The following IFT46 variants were observed in gnomAD, a reference collection of about 807,000 sequenced individuals.
The protein encoded by IFT46 is intraflagellar transport protein 46 homolog.
In IFT46, 19 loss-of-function variants were observed where a neutral mutation model predicts 39.6. The ratio of observed to expected loss-of-function variants is 0.48; its 90% CI spans 0.33 to 0.70. IFT46 has a LOEUF of 0.70. IFT46 is among the 30% of genes least tolerant of loss of function. IFT46 has a pLI of 0.01. For synonymous variants in IFT46, 117 were observed against 134.8 expected, an observed-to-expected ratio of 0.87 and a Z score of 0.91; for missense variants, 334 against 364.8, an observed-to-expected ratio of 0.92 and a Z score of 0.69.
chr11:118,576,440 A>AAC (rs1555073646), upstream of IFT46, among the ~76,000 whole-genome samples: 5 of 147,198 alleles, frequency 3.4e-5, no homozygotes, highest in East Asian at 4.7e-4. Context: ...AAAAAAAAAA[A>AAC]AAAAAAAAAC....
In IFT46 at chr11:118,544,889, C is replaced by T. The variant is rs1402487312; in HGVS notation, c.*27G>A. ...AGCTGGGGCAGAGGGGCCAGCTCAG[C>T]CTTGAAACAGCAGCTTGGGAAGTGT... On this transcript the variant is annotated 3_prime_UTR_variant, in exon 12 of 12. Transcript: ENST00000264021. 1 of 1,544,912 alleles carries T rather than the reference C, an allele frequency of 6.5e-7. No homozygotes were observed. Among genetic ancestry groups the T allele is most frequent in the Non-Finnish European group, 8.9e-7 (1 of 1,118,486 alleles).
chr11:118,552,440 G>T, intron 7 of IFT46, 105 bp from the exon 8 acceptor site: 1 of 1,350,816 alleles, frequency 7.4e-7, no homozygotes, highest in Non-Finnish European at 1.0e-6. Flanking sequence ...GCTTGCTGAT[G>T]ACAGCTGCTG....
chr11:118,553,581 T>C (rs1555068887), intron 7 of IFT46, among the ~76,000 whole-genome samples: 1 of 152,182 alleles, frequency 6.6e-6, no homozygotes, highest in African/African-American at 2.4e-5. Flanking sequence ...TACAGCCACT[T>C]TGGAAAACAG....
At chr11:118,570,510 A>G (rs1451997596), upstream of IFT46, among the ~76,000 whole-genome samples, 1 of 152,222 alleles carries the variant, frequency 6.6e-6, no homozygotes, top group Non-Finnish European at 1.5e-5. Context: ...CAAATGAAGC[A>G]CTCAATTAAA....
In IFT46 at chr11:118,557,015, G is replaced by A; in HGVS notation, c.76C>T (p.Gln26Ter). The part of the protein sequence containing the change: ...EKKKTSQLTP[Q>*]RGFSENEDDD... ...TCCTCATTTTCACTAAAGCCCCGTT[G>A]AGGTGTCAACTGTGAGGTCTTCTTC... Residue 26 changes from glutamine (Q) to a stop codon, truncating the protein, a stop_gained, in exon 4 of 12, where the codon CAA becomes TAA. Coordinates refer to ENST00000264021, the MANE Select transcript of IFT46 (RefSeq NM_001168618.2). LOFTEE classifies it high-confidence loss of function. The A allele has an allele frequency of 6.2e-7, 1 of 1,611,666 alleles. No homozygotes were observed. The highest frequency in any genetic ancestry group is 1.3e-5 in the African/African-American group (1 of 74,886).
chr11:118,548,846 C>T (rs1314043660), intron 9 of IFT46, among the ~76,000 whole-genome samples: 1 of 150,424 alleles, frequency 6.6e-6, no homozygotes, highest in African/African-American at 2.4e-5. Context: ...GTCTCAAACT[C>T]CTGGGCTCAA....
At chr11:118,574,487 A>G (rs1283348440), upstream of IFT46, among the ~76,000 whole-genome samples, 1 of 152,226 alleles carries the variant, frequency 6.6e-6, no homozygotes, top group East Asian at 1.9e-4. Flanking sequence ...ACTAGATTCT[A>G]TAACTAACAT....
rs1555069025 is a variant in IFT46, at chr11:118,554,461, T to C, written c.481A>G (p.Thr161Ala). 1 of 1,606,098 alleles carries C rather than the reference T, an allele frequency of 6.2e-7. No homozygotes were observed. Among genetic ancestry groups the C allele is most frequent in the East Asian group, 2.2e-5 (1 of 44,774 alleles). ...CCTATACTAAGCTAGTATCTTACTG[T>C]GATGTTGTGCTGCTTAGAATTCTCT... ...LTENSKQHNI[T>A]QHMKVKSLED... The change falls in exon 7 of 12, where the codon ACA becomes GCA. Residue 161 changes from threonine to alanine, a missense_variant and splice_region_variant. Thr to Ala is a moderately conservative substitution (Grantham distance 58, BLOSUM62 0). Coordinates refer to ENST00000264021, the MANE Select transcript of IFT46 (RefSeq NM_001168618.2).
At chr11:118,554,946 G>T in intron 6 of IFT46, 44 bp downstream of exon 6, 1 of 1,366,038 alleles carries the variant, frequency 7.3e-7, no homozygotes, top group Non-Finnish European at 1.0e-6. Flanking sequence ...AGGGGCATCA[G>T]AAGAAACACT....
upstream of IFT46, among the ~76,000 whole-genome samples, chr11:118,570,045 CT>C (rs1162103875): frequency 1.5e-3 from 172 of 113,546 alleles, no homozygotes; most frequent in Middle Eastern, 5.7e-3. Context: ...CCACGCCCAG[CT>C]TTTTTTTTTT....
rs782623965 is a variant in IFT46 at position 118,554,580 on chromosome 11, C to T, written c.362G>A (p.Arg121His). The change falls in exon 7 of 12, where the codon CGT becomes CAT. Residue 121 changes from arginine (R) to histidine (H), a missense_variant. Transcript: ENST00000264021. ...AAGGTTGTCAGGCTTTCCATCAGGACGTGGGACCTGGTTAAGAAAAAGGTA... is the reference window on the plus strand; with the variant it reads ...AAGGTTGTCAGGCTTTCCATCAGGATGTGGGACCTGGTTAAGAAAAAGGTA... The part of the protein sequence containing the change: ...GDIDAFLKVP[R>H]PDGKPDNLGL... 3.1e-6 allele frequency: 5 copies of T among 1,593,820 alleles called. No individual in the cohort carries two copies. Among genetic ancestry groups the T allele is most frequent in the Non-Finnish European group, 3.4e-6 (4 of 1,174,638 alleles).
At position 118,545,853 on chromosome 11, in the gene IFT46, C is replaced by T; in HGVS notation, c.673G>A (p.Val225Ile). The T allele has an allele frequency of 1.2e-6, 2 of 1,614,104 alleles. No homozygotes were observed. The highest frequency in any genetic ancestry group is 1.7e-6 in the Non-Finnish European group (2 of 1,179,986). Reference sequence around the variant, plus strand: ...TCAATCTCTGCCGTGGGCAGGCTTACCTGGAAGGGGCATGGAAGGACCAAA... The same window carrying T: ...TCAATCTCTGCCGTGGGCAGGCTTATCTGGAAGGGGCATGGAAGGACCAAA... ...SPEFEELLGK[V>I]SLPTAEIDCS... The change falls in exon 10 of 12, where the codon GTA (valine) becomes ATA (isoleucine). Residue 225 changes from valine (V) to isoleucine (I), a missense_variant and splice_region_variant. Physicochemically the swap from Val to Ile is conservative, Grantham distance 29. Transcript: ENST00000264021.
intron 2 of IFT46, among the ~76,000 whole-genome samples, chr11:118,563,292 G>A (rs1046352596): frequency 6.6e-6 from 1 of 152,102 alleles, no homozygotes; most frequent in African/African-American, 2.4e-5. Flanking sequence ...GCAAGCAATA[G>A]GGAACTATTG....
At chr11:118,567,756 A>C (rs1236828993), upstream of IFT46, among the ~76,000 whole-genome samples, 2 of 152,242 alleles carry the variant, frequency 1.3e-5, no homozygotes, top group African/African-American at 4.8e-5. Context: ...TTTTGCTCGT[A>C]ATAGTGGATA....
At chr11:118,554,888 G>T in intron 6 of IFT46, 102 bp downstream of exon 6, 2 of 888,838 alleles carry the variant, frequency 2.3e-6, no homozygotes, top group South Asian at 3.0e-5. Flanking sequence ...AAATGAACAT[G>T]ACTAGCCAAT....
intron 1 of IFT46, chr11:118,572,572 G>A (rs1488930501): frequency 1.2e-6 from 2 of 1,604,208 alleles, no homozygotes. Flanking sequence ...GCCAGGACCC[G>A]AACTCCTGGG....
At chr11:118,561,006 G>A (rs1340932430) in intron 2 of IFT46, 29 of 1,457,182 alleles carry the variant, frequency 2.0e-5, no homozygotes, top group Admixed American at 1.3e-4. Context: ...CTGCTGGCCC[G>A]CAGGCTTCCC....
chr11:118,552,390 TTACAG>T, intron 7 of IFT46, 55 bp from the exon 8 acceptor site: 1 of 1,598,584 alleles, frequency 6.3e-7, no homozygotes, highest in Non-Finnish European at 8.5e-7. Flanking sequence ...TCTCTTGTTT[TTACAG>T]TGTCTCATTA....
intron 9 of IFT46, among the ~76,000 whole-genome samples, chr11:118,548,454 T>C (rs1951747860): frequency 7.0e-6 from 1 of 142,834 alleles, no homozygotes; most frequent in Non-Finnish European, 1.5e-5. Flanking sequence ...AACCTCCGCC[T>C]CCCGGGTTCA....
Sources: allele counts gnomAD v4.1 joint callset (sites outside exome capture counted in the v4.1 genomes callset), GRCh38; gene constraint gnomAD v4.1.1; transcripts MANE v1.5; gene names NCBI Gene and HGNC (gene_info 2026-07-23, HGNC 2026-07-21).